Variants in GRM7 observed in about 807,000 individuals in gnomAD.
The protein encoded by GRM7 is glutamate metabotropic receptor 7.
In GRM7, 35 loss-of-function variants were observed where a neutral mutation model predicts 84.5. The ratio of observed to expected loss-of-function variants is 0.41; its 90% CI spans 0.32 to 0.55. GRM7 has a LOEUF of 0.55. Ranked by LOEUF, GRM7 falls within the 20% of genes least tolerant of loss-of-function variation. GRM7 has a pLI of 0.19. For synonymous variants in GRM7, 487 were observed against 455.1 expected (o/e 1.07, Z -0.89); for missense variants, 1,003 against 1,194.6 (o/e 0.84, Z 2.36).
intron 9 of GRM7, among the ~76,000 whole-genome samples, chr3:7,711,699 TTC>T (rs1366424682): frequency 6.6e-6 from 1 of 152,176 alleles, no homozygotes; most frequent in Non-Finnish European, 1.5e-5. Flanking sequence ...CCTATCCGCG[TTC>T]TTTTAGTTCT....
intron 1 of GRM7, among the ~76,000 whole-genome samples, chr3:7,032,709 A>T (rs1476598945): frequency 6.6e-6 from 1 of 152,212 alleles, no homozygotes; most frequent in Non-Finnish European, 1.5e-5. Context: ...TAATACACAA[A>T]TAAGAAAAGT....
At chr3:6,931,861 A>AC (rs1697512562) in intron 1 of GRM7, among the ~76,000 whole-genome samples, 1 of 152,214 alleles carries the variant, frequency 6.6e-6, no homozygotes, top group African/African-American at 2.4e-5. Context: ...AAGTTTGGGG[A>AC]TTCCAACTTA....
At chr3:7,571,977 A>G (rs1559411056) in intron 7 of GRM7, among the ~76,000 whole-genome samples, 1 of 152,084 alleles carries the variant, frequency 6.6e-6, no homozygotes, top group Non-Finnish European at 1.5e-5. Context: ...AAACCATCAG[A>G]TCTCATGAGA....
chr3:7,055,923 C>T (rs1484657686), intron 1 of GRM7, among the ~76,000 whole-genome samples: 2 of 151,978 alleles, frequency 1.3e-5, no homozygotes, highest in African/African-American at 4.8e-5. Flanking sequence ...AGGTTTGAAT[C>T]AACCTAGTTG....
intron 5 of GRM7, among the ~76,000 whole-genome samples, chr3:7,422,279 A>G (rs1196551495): frequency 6.6e-6 from 1 of 152,196 alleles, no homozygotes; most frequent in Admixed American, 6.5e-5. Flanking sequence ...ATGTAAACAA[A>G]TGGACAATAA....
chr3:7,470,563 A>G (rs1481990268), intron 7 of GRM7, among the ~76,000 whole-genome samples: 1 of 152,178 alleles, frequency 6.6e-6, no homozygotes, highest in African/African-American at 2.4e-5. Context: ...ATGGTTCCAC[A>G]AACATGTACA....
At chr3:7,011,427 T>G (rs1695364310) in intron 1 of GRM7, among the ~76,000 whole-genome samples, 1 of 118,400 alleles carries the variant, frequency 8.4e-6, no homozygotes, top group Non-Finnish European at 2.1e-5. Context: ...TATGCTCATG[T>G]TCCACCAAAA....
intron 8 of GRM7, among the ~76,000 whole-genome samples, chr3:7,677,262 T>TA (rs557488794): frequency 0.017 from 634 of 36,830 alleles, 11 homozygotes; most frequent in African/African-American, 0.05. Context: ...ACTCTGTCTT[T>TA]AAAAAAAAAA....
chr3:7,189,754 A>T (rs1317818013), intron 2 of GRM7, among the ~76,000 whole-genome samples: 1 of 152,146 alleles, frequency 6.6e-6, no homozygotes, highest in Admixed American at 6.5e-5. Flanking sequence ...AATTCTTGAC[A>T]CCTATATTTT....
intron 4 of GRM7, among the ~76,000 whole-genome samples, chr3:7,409,898 C>G (rs754155485): frequency 2.0e-5 from 3 of 152,176 alleles, no homozygotes; most frequent in Non-Finnish European, 4.4e-5. Context: ...CTGTGCCTGG[C>G]CAACTTCCCT....
intron 4 of GRM7, among the ~76,000 whole-genome samples, chr3:7,367,602 G>T (rs1693948638): frequency 6.6e-6 from 1 of 151,682 alleles, no homozygotes. Context: ...ACATGGGAGG[G>T]TTGAGGGCCC....
intron 2 of GRM7, among the ~76,000 whole-genome samples, chr3:7,192,811 G>T (rs1038120600): frequency 1.3e-5 from 2 of 152,090 alleles, no homozygotes; most frequent in African/African-American, 4.8e-5. Context: ...TGTACTGAGT[G>T]CCTATTTTTC....
chr3:7,636,016 A>C (rs1343375604), intron 8 of GRM7, among the ~76,000 whole-genome samples: 1 of 152,228 alleles, frequency 6.6e-6, no homozygotes, highest in African/African-American at 2.4e-5. Context: ...GCTTCAAAAA[A>C]GCACATCTAA....
At chr3:7,026,485 T>C (rs904097750) in intron 1 of GRM7, among the ~76,000 whole-genome samples, 5 of 152,212 alleles carry the variant, frequency 3.3e-5, no homozygotes, top group African/African-American at 1.2e-4. Context: ...AGGACTTTTC[T>C]ATCCCCGGGA....
chr3:6,905,299 G>C (rs890827281), intron 1 of GRM7, among the ~76,000 whole-genome samples: 1 of 151,996 alleles, frequency 6.6e-6, no homozygotes. Context: ...TTTTTGCTAG[G>C]AAGATTTTCT....
At chr3:6,902,583 T>C (rs1192744608) in intron 1 of GRM7, among the ~76,000 whole-genome samples, 2 of 152,180 alleles carry the variant, frequency 1.3e-5, no homozygotes, top group African/African-American at 2.4e-5. Flanking sequence ...TACTATTGTG[T>C]CCTGTAGTCT....
chr3:7,432,625 C>T (rs1487036830), intron 5 of GRM7, among the ~76,000 whole-genome samples: 1 of 140,100 alleles, frequency 7.1e-6, no homozygotes, highest in Non-Finnish European at 1.6e-5. Context: ...CCCAGCCGGG[C>T]ATCTAGTTTA....
chr3:7,235,093 C>A (rs922441470), intron 2 of GRM7, among the ~76,000 whole-genome samples: 2 of 152,188 alleles, frequency 1.3e-5, no homozygotes, highest in Non-Finnish European at 2.9e-5. Flanking sequence ...AACTAGCAAT[C>A]TTGAAGTTAG....
chr3:7,515,227 A>G (rs1700334043), intron 7 of GRM7, among the ~76,000 whole-genome samples: 1 of 151,628 alleles, frequency 6.6e-6, no homozygotes, highest in Admixed American at 6.6e-5. Flanking sequence ...AAAAAAAAAA[A>G]AGACATCAAA....
Sources: allele counts gnomAD v4.1 joint callset (sites outside exome capture counted in the v4.1 genomes callset), GRCh38; gene constraint gnomAD v4.1.1; transcripts MANE v1.5; gene names NCBI Gene and HGNC (gene_info 2026-07-23, HGNC 2026-07-21).